Variants in SLC2A1 observed in about 807,000 individuals in gnomAD.
The protein encoded by SLC2A1 is solute carrier family 2 member 1.
Under a neutral mutation model 46.6 loss-of-function variants are expected in SLC2A1, and 4 were observed. The observed-to-expected ratio is 0.09, with a 90% CI of 0.04 to 0.20. SLC2A1 has a LOEUF of 0.20. SLC2A1 is among the 10% of genes least tolerant of loss of function. SLC2A1 has a pLI of 1.00. For missense variants in SLC2A1, 352 were observed against 667.0 expected, an observed-to-expected ratio of 0.53 and a Z score of 5.20; for synonymous variants, 253 against 270.0, an observed-to-expected ratio of 0.94 and a Z score of 0.62.
intron 2 of SLC2A1, among the ~76,000 whole-genome samples, chr1:42,935,466 G>A (rs1223269601): frequency 2.6e-5 from 4 of 152,206 alleles, no homozygotes; most frequent in Non-Finnish European, 5.9e-5. Flanking sequence ...ATGAGGCGGC[G>A]AACACTGCCT....
intron 2 of SLC2A1, among the ~76,000 whole-genome samples, chr1:42,932,935 G>A (rs1319523499): frequency 1.3e-5 from 2 of 152,214 alleles, no homozygotes; most frequent in African/African-American, 4.8e-5. Context: ...GGATCTGCTT[G>A]TCCGTTCCAA....
rs1007246725 is a variant in SLC2A1 at position 42,929,731 on chromosome 1, C to T, written c.729G>A (p.Glu243=). The change falls in exon 6 of 10, where the codon GAG becomes GAA. Residue 243 remains glutamate, a synonymous_variant. Coordinates refer to ENST00000426263, the MANE Select transcript of SLC2A1 (RefSeq NM_006516.4). The surrounding 1 kb of genome is among the most constrained non-coding windows in gnomAD (Gnocchi z 6.0). ...TCATCTGCCGACTCTCTTCCTTCAT[C>T]TCCTGCAGGTCATGGGTCACGTCAG... The part of the protein sequence containing the change: ...GTADVTHDLQ[E]MKEESRQMMR... 8 of 1,614,062 alleles carry T rather than the reference C, an allele frequency of 5.0e-6. No homozygotes were observed. The African/African-American group carries it at 1.1e-4, about 22-fold the overall frequency.
intron 2 of SLC2A1, among the ~76,000 whole-genome samples, chr1:42,942,566 C>A (rs578214945): frequency 2.0e-5 from 3 of 151,500 alleles, no homozygotes; most frequent in South Asian, 2.1e-4. Flanking sequence ...ACCTTCACCC[C>A]CTGTGGCTCC....
Position 42,926,768 on chromosome 1 carries a change from CA to C in SLC2A1, c.*272del. ...GCCTGGGATGTGGGCACAGGAGACT[CA>C]GGCTGATATAAAAATAACAAAATCA... On this transcript the variant is annotated 3_prime_UTR_variant, in exon 10 of 10. Coordinates refer to ENST00000426263, the MANE Select transcript of SLC2A1 (RefSeq NM_006516.4). The C allele has an allele frequency of 7.0e-7, 1 of 1,426,764 alleles. No individual in the cohort carries two copies. The highest frequency in any genetic ancestry group is 1.2e-5 in the South Asian group (1 of 80,974). The allele number at this position is 1,426,764 out of a possible 1,614,324, so 88.4% of individuals were successfully genotyped here.
chr1:42,932,419 G>A (rs893329743), intron 2 of SLC2A1, among the ~76,000 whole-genome samples: 27 of 143,616 alleles, frequency 1.9e-4, no homozygotes, highest in Admixed American at 1.4e-3. Flanking sequence ...ACCCAGAAAC[G>A]GCTTCTTATG....
chr1:42,953,407 T>C (rs1190611049), intron 1 of SLC2A1, among the ~76,000 whole-genome samples: 3 of 152,194 alleles, frequency 2.0e-5, no homozygotes, highest in Non-Finnish European at 2.9e-5. Context: ...GAGGTAACAA[T>C]TGGAGGCTTG....
At chr1:42,945,047 G>A (rs1643636960) in intron 1 of SLC2A1, among the ~76,000 whole-genome samples, 1 of 152,156 alleles carries the variant, frequency 6.6e-6, no homozygotes, top group South Asian at 2.1e-4. Flanking sequence ...TTCATAGGGT[G>A]GACACTAATT....
intron 2 of SLC2A1, among the ~76,000 whole-genome samples, chr1:42,942,127 G>C (rs982208843): frequency 2.6e-5 from 4 of 152,220 alleles, no homozygotes; most frequent in Non-Finnish European, 4.4e-5. Flanking sequence ...CCTGACGTGA[G>C]GACTGCCCAC....
At position 42,927,529 on chromosome 1, in the gene SLC2A1, A is replaced by C. The variant is rs1401522876; in HGVS notation, c.1278+76T>G. 28 of 1,400,052 alleles carry C rather than the reference A, an allele frequency of 2.0e-5. No individual in the cohort carries two copies. Among genetic ancestry groups the C allele is most frequent in the Non-Finnish European group, 3.0e-6 (3 of 993,690 alleles). 86.7% of individuals were successfully genotyped at this position (1,400,052 alleles called of 1,614,324 possible). ...CCTCCTCAGCATGATTCCTAATGAGAATGCTGGGCCAGCACTTTGCACAGC... is the reference window on the plus strand; with the variant it reads ...CCTCCTCAGCATGATTCCTAATGAGCATGCTGGGCCAGCACTTTGCACAGC... On this transcript the variant is annotated intron_variant, in intron 9 of 9. Transcript: ENST00000426263. This position sits in a 1 kb window ranked among gnomAD's most constrained non-coding sequence, Gnocchi z 5.3.
chr1:42,941,275 G>A (rs1001425871), intron 2 of SLC2A1, among the ~76,000 whole-genome samples: 1 of 152,144 alleles, frequency 6.6e-6, no homozygotes, highest in Non-Finnish European at 1.5e-5. Context: ...CCGTGCTGGT[G>A]CCCATCCGCC....
chr1:42,957,288 C>T (rs1413305900), intron 1 of SLC2A1, among the ~76,000 whole-genome samples: 2 of 152,222 alleles, frequency 1.3e-5, no homozygotes, highest in African/African-American at 4.8e-5. Flanking sequence ...CCGGGAACTT[C>T]CCCGGGGTCT....
intron 2 of SLC2A1, among the ~76,000 whole-genome samples, chr1:42,932,685 CAGA>C (rs1008793401): frequency 7.9e-5 from 12 of 152,198 alleles, no homozygotes; most frequent in African/African-American, 2.9e-4. Context: ...TGAGGTCTAG[CAGA>C]AGAAGAAGGT....
At chr1:42,957,978 A>C (rs1262069264) in intron 1 of SLC2A1, among the ~76,000 whole-genome samples, 1 of 152,166 alleles carries the variant, frequency 6.6e-6, no homozygotes, top group Non-Finnish European at 1.5e-5. Context: ...AGAGCCTCCG[A>C]GACCGGAGGT....
At chr1:42,940,303 C>T (rs1643584289) in intron 2 of SLC2A1, among the ~76,000 whole-genome samples, 1 of 152,208 alleles carries the variant, frequency 6.6e-6, no homozygotes, top group Non-Finnish European at 1.5e-5. Context: ...ACAAGGCCAC[C>T]ATCGCCTCTT....
chr1:42,936,145 GGTCA>G (rs1267433046), intron 2 of SLC2A1, among the ~76,000 whole-genome samples: 1 of 152,118 alleles, frequency 6.6e-6, no homozygotes, highest in Admixed American at 6.5e-5. Context: ...AGGAGGACTA[GGTCA>G]GTTAGGTCAT....
chr1:42,944,161 G>A (rs1365797312), intron 1 of SLC2A1, among the ~76,000 whole-genome samples: 1 of 152,170 alleles, frequency 6.6e-6, no homozygotes, highest in Non-Finnish European at 1.5e-5. Flanking sequence ...GGGCTAAGGT[G>A]TTTCCAATGG....
intron 2 of SLC2A1, among the ~76,000 whole-genome samples, chr1:42,940,049 C>T (rs998942426): frequency 7.7e-5 from 11 of 142,156 alleles, no homozygotes; most frequent in Non-Finnish European, 1.2e-4. Context: ...GGAAGACCTC[C>T]GCCCTCACTT....
At chr1:42,943,543 AGG>A (rs992376914) in intron 1 of SLC2A1, among the ~76,000 whole-genome samples, 1 of 151,908 alleles carries the variant, frequency 6.6e-6, no homozygotes, top group African/African-American at 2.4e-5. Context: ...CTGGGGAGAG[AGG>A]GGAAGTATGA....
At chr1:42,935,284 C>T (rs1053153969) in intron 2 of SLC2A1, among the ~76,000 whole-genome samples, 4 of 152,164 alleles carry the variant, frequency 2.6e-5, no homozygotes, top group Admixed American at 1.3e-4. Flanking sequence ...GCTTCTGGTA[C>T]GCGAAGCTAT....
Sources: gnomAD v4.1 joint callset for allele counts (sites outside exome capture counted in the v4.1 genomes callset) on GRCh38, gnomAD v4.1.1 for gene constraint, Gnocchi (gnomAD v3.1) non-coding constraint, MANE v1.5 for transcripts, NCBI Gene and HGNC (gene_info 2026-07-23, HGNC 2026-07-21) for gene names.